WLS: variants seen among roughly 807,000 people sequenced by gnomAD.
WLS encodes protein wntless homolog.
WLS carries 23 observed loss-of-function variants against 62.8 expected under a neutral mutation model. The ratio of observed to expected loss-of-function variants is 0.37; its 90% CI spans 0.26 to 0.52. WLS has a LOEUF of 0.52. WLS is among the 20% of genes least tolerant of loss of function. WLS has a pLI of 0.92. For synonymous variants in WLS, 246 were observed against 244.1 expected (o/e 1.01, Z -0.07); for missense variants, 615 against 697.3 (o/e 0.88, Z 1.33).
At chr1:68,151,547 GA>G (rs1646825978) in intron 5 of WLS, among the ~76,000 whole-genome samples, 1 of 152,104 alleles carries the variant, frequency 6.6e-6, no homozygotes, top group Admixed American at 6.5e-5. Context: ...TGCTTGCATA[GA>G]GATGGAATGA....
rs376230070 is a variant in WLS, at chr1:68,161,339, T to C, written c.380-2092A>G. On this transcript the variant is annotated intron_variant, in intron 2 of 11. Coordinates refer to ENST00000262348, the MANE Select transcript of WLS (RefSeq NM_024911.7). ...AGCAAAAGGAGGTCACCAGCCCCTG[T>C]AGACTTAAGGGACTCAAGTCACAGG... Among the ~76,000 whole-genome samples the C allele has an allele frequency of 3.3e-4, 51 of 152,348 alleles. 1 individual carries two copies. The highest frequency in any genetic ancestry group is 1.2e-3 in the African/African-American group (50 of 41,580).
chr1:68,183,434 G>T, intron 2 of WLS: 1 of 418,276 alleles, frequency 2.4e-6, no homozygotes, highest in Admixed American at 2.9e-5. Context: ...AGCAGGGATA[G>T]TTCTTATAGT....
At chr1:68,103,459 A>T (rs983353852) in intron 11 of WLS, among the ~76,000 whole-genome samples, 5 of 152,338 alleles carry the variant, frequency 3.3e-5, no homozygotes, top group Middle Eastern at 3.4e-3. Flanking sequence ...GTGCCCTTCT[A>T]ATGGACCAGG....
At chr1:68,099,537 G>A (rs1646050989) in intron 11 of WLS, among the ~76,000 whole-genome samples, 1 of 152,102 alleles carries the variant, frequency 6.6e-6, no homozygotes, top group African/African-American at 2.4e-5. Context: ...GCCAAACTCT[G>A]CAGATACTCA....
chr1:68,103,683 CAGA>C (rs1482425264), intron 11 of WLS, among the ~76,000 whole-genome samples: 1 of 152,138 alleles, frequency 6.6e-6, no homozygotes, highest in Admixed American at 6.5e-5. Context: ...GAAGTCTTAT[CAGA>C]AGAGGCCAGG....
At chr1:68,206,924 A>G (rs550577319) in intron 1 of WLS, among the ~76,000 whole-genome samples, 1 of 152,236 alleles carries the variant, frequency 6.6e-6, no homozygotes, top group South Asian at 2.1e-4. Context: ...GGCTGTCCCT[A>G]TCAGGCCCCT....
At chr1:68,162,819 G>T in intron 2 of WLS, 1 of 1,251,888 alleles carries the variant, frequency 8.0e-7, no homozygotes, top group Non-Finnish European at 1.2e-6. Context: ...ACTTTTCTAG[G>T]TCCTCCCTGG....
intron 11 of WLS, among the ~76,000 whole-genome samples, chr1:68,116,154 C>T (rs1646288846): frequency 6.6e-6 from 1 of 152,194 alleles, no homozygotes; most frequent in Admixed American, 6.5e-5. Flanking sequence ...CAGGACCTTA[C>T]AATAGGGACC....
At position 68,137,660 on chromosome 1, in the gene WLS, G is replaced by A. The variant is rs1455011632; in HGVS notation, c.1516+120C>T. 6 of 1,158,144 alleles carry A rather than the reference G, an allele frequency of 5.2e-6. No homozygotes were observed. In the African/African-American group the frequency reaches 7.7e-5, roughly 15 times the overall value. 71.7% of individuals were successfully genotyped at this position (1,158,144 alleles called of 1,614,324 possible). A position where few individuals can be genotyped will look rare whatever the true frequency, so the allele number is the denominator to read the frequency against. On this transcript the variant is annotated intron_variant, in intron 11 of 11. Transcript: ENST00000262348. ...GTGCTCATTCACCGTCTCCCAGTGT[G>A]AGGAGTATACTTGGAGGGAAAGTTT...
Position 68,153,507 on chromosome 1 carries a change from C to T in WLS, c.803+10G>A, listed in dbSNP as rs943190325. ...GTATTCCTGAAGAGCGCTCCAAAACCAGCTCTTACTTTTCCAGAAGCACTG... is the reference window on the plus strand; with the variant it reads ...GTATTCCTGAAGAGCGCTCCAAAACTAGCTCTTACTTTTCCAGAAGCACTG... On this transcript the variant is annotated intron_variant, in intron 5 of 11. Transcript: ENST00000262348. The T allele has an allele frequency of 2.5e-6, 4 of 1,613,868 alleles. No individual in the cohort carries two copies. The highest frequency in any genetic ancestry group is 1.3e-5 in the African/African-American group (1 of 74,888).
chr1:68,156,852 C>T (rs1646907264), intron 3 of WLS, among the ~76,000 whole-genome samples: 1 of 152,172 alleles, frequency 6.6e-6, no homozygotes, highest in Non-Finnish European at 1.5e-5. Flanking sequence ...TCACTGCAGG[C>T]TCTAATTCTC....
intron 11 of WLS, among the ~76,000 whole-genome samples, chr1:68,133,848 C>A (rs1228762958): frequency 2.0e-5 from 3 of 152,210 alleles, no homozygotes; most frequent in African/African-American, 4.8e-5. Flanking sequence ...ATCAAAGATT[C>A]TTTCCCTTTT....
intron 11 of WLS, among the ~76,000 whole-genome samples, chr1:68,102,333 G>A (rs1431413948): frequency 6.6e-6 from 1 of 152,144 alleles, no homozygotes; most frequent in Admixed American, 6.5e-5. Flanking sequence ...GGGCTCTCTT[G>A]TTTAGGCTGA....
intron 2 of WLS, chr1:68,162,559 A>T (rs1240284460): frequency 6.3e-7 from 1 of 1,581,014 alleles, no homozygotes; most frequent in Non-Finnish European, 8.7e-7. Flanking sequence ...TTCCCCACGG[A>T]TGCTGGCCGA....
intron 2 of WLS, chr1:68,162,510 C>G: frequency 6.2e-7 from 1 of 1,613,444 alleles, no homozygotes; most frequent in Admixed American, 1.7e-5. Flanking sequence ...GAACTGCAAC[C>G]GCCTACCCCC....
At chr1:68,124,963 TAA>T (rs879480469), downstream of WLS, among the ~76,000 whole-genome samples, 1 of 152,242 alleles carries the variant, frequency 6.6e-6, no homozygotes, top group African/African-American at 2.4e-5. Flanking sequence ...AGTAAGCAGT[TAA>T]AGTTTATCGA....
At chr1:68,194,588 C>G (rs1648560967) in intron 1 of WLS, among the ~76,000 whole-genome samples, 1 of 152,196 alleles carries the variant, frequency 6.6e-6, no homozygotes, top group South Asian at 2.1e-4. Context: ...AGAACAGTAT[C>G]TAAAGTCAGA....
chr1:68,206,355 A>C (rs1041984092), intron 1 of WLS, among the ~76,000 whole-genome samples: 2 of 152,216 alleles, frequency 1.3e-5, no homozygotes, highest in Non-Finnish European at 2.9e-5. Flanking sequence ...GCAAGTTCTC[A>C]GGAAGGAAAT....
chr1:68,128,196 T>C (rs757812353), intron 11 of WLS, among the ~76,000 whole-genome samples: 2 of 152,216 alleles, frequency 1.3e-5, no homozygotes, highest in Non-Finnish European at 2.9e-5. Flanking sequence ...AGAGCATAGA[T>C]GCCAAGTAAG....
Sources: allele counts gnomAD v4.1 joint callset (sites outside exome capture counted in the v4.1 genomes callset), GRCh38; gene constraint gnomAD v4.1.1; transcripts MANE v1.5; gene names NCBI Gene and HGNC (gene_info 2026-07-23, HGNC 2026-07-21).